Variants in SULF1 observed in about 807,000 individuals in gnomAD.
The protein encoded by SULF1 is sulfatase 1.
SULF1 carries 46 observed loss-of-function variants against 110.5 expected under a neutral mutation model. The observed-to-expected ratio is 0.42, with a 90% CI of 0.33 to 0.53. The LOEUF is 0.53. Among genes scored for constraint, SULF1 ranks in the 20% least tolerant of loss-of-function variants. The pLI is 0.12. For missense variants in SULF1, 941 were observed against 1,094.2 expected (o/e 0.86, Z 1.98); for synonymous variants, 371 against 387.1 (o/e 0.96, Z 0.49).
At chr8:69,596,673 T>C (rs1345325217) in intron 8 of SULF1, among the ~76,000 whole-genome samples, 1 of 152,116 alleles carries the variant, frequency 6.6e-6, no homozygotes, top group Non-Finnish European at 1.5e-5. Flanking sequence ...TGTGGTGTTG[T>C]AGGAGGGGCA....
intron 10 of SULF1, among the ~76,000 whole-genome samples, chr8:69,602,213 G>A (rs982439375): frequency 1.3e-5 from 2 of 151,818 alleles, no homozygotes; most frequent in Non-Finnish European, 2.9e-5. Flanking sequence ...AAATTATTCC[G>A]AAAGAAATGT....
chr8:69,579,759 A>G (rs900028718), intron 6 of SULF1, among the ~76,000 whole-genome samples: 3 of 152,224 alleles, frequency 2.0e-5, no homozygotes, highest in Non-Finnish European at 4.4e-5. Context: ...AAGTGGCAGG[A>G]ATCTTAGAAA....
At chr8:69,605,332 A>G (rs1808153374) in intron 13 of SULF1, among the ~76,000 whole-genome samples, 1 of 152,108 alleles carries the variant, frequency 6.6e-6, no homozygotes. Flanking sequence ...TAGGGCCTTC[A>G]CCCTAGGCTA....
At chr8:69,603,827 T>C (rs955220321) in intron 12 of SULF1, among the ~76,000 whole-genome samples, 171 bp downstream of exon 12, 1 of 152,190 alleles carries the variant, frequency 6.6e-6, no homozygotes, top group Non-Finnish European at 1.5e-5. Context: ...AGAGTAATAA[T>C]TGCTGGATCA....
At chr8:69,480,839 G>A (rs1317445151) in intron 1 of SULF1, among the ~76,000 whole-genome samples, 1 of 146,552 alleles carries the variant, frequency 6.8e-6, no homozygotes, top group African/African-American at 2.5e-5. Context: ...ATTGAACAAT[G>A]AGAACACATG....
At chr8:69,642,302 A>C in intron 22 of SULF1, 5 of 987,306 alleles carry the variant, frequency 5.1e-6, no homozygotes, top group Non-Finnish European at 6.0e-6. Context: ...TTTAGAGAGA[A>C]GGTCATTAGT....
intron 2 of SULF1, among the ~76,000 whole-genome samples, chr8:69,500,936 G>A (rs888265601): frequency 6.6e-6 from 1 of 152,094 alleles, no homozygotes; most frequent in Non-Finnish European, 1.5e-5. Context: ...GATCCATCCA[G>A]AGCAAAGCAA....
chr8:69,488,711 C>A (rs892047493), upstream of SULF1, among the ~76,000 whole-genome samples: 1 of 151,894 alleles, frequency 6.6e-6, no homozygotes. Context: ...ATACACAGCA[C>A]CCAACAGTGG....
intron 22 of SULF1, among the ~76,000 whole-genome samples, chr8:69,653,104 G>A (rs938407985): frequency 5.3e-5 from 8 of 151,984 alleles, no homozygotes; most frequent in South Asian, 4.1e-4. Context: ...TGGGGTTTCC[G>A]TCTGTCACCC....
intron 6 of SULF1, among the ~76,000 whole-genome samples, chr8:69,586,146 T>G (rs543028583): frequency 2.0e-5 from 3 of 152,352 alleles, no homozygotes; most frequent in East Asian, 1.9e-4. Context: ...ATCCATGTAC[T>G]TGGATACTAC....
At chr8:69,475,705 T>C (rs1290104980) in intron 1 of SULF1, among the ~76,000 whole-genome samples, 2 of 152,200 alleles carry the variant, frequency 1.3e-5, no homozygotes, top group East Asian at 1.9e-4. Context: ...CTACACTCAA[T>C]AGAACTTTAT....
At position 69,500,744 on chromosome 8, in the gene SULF1, T is replaced by G. The variant is rs181466485; in HGVS notation, c.-228-1130T>G. ...GAGAAGCACAGTGAAGCGAGTGATC[T>G]AGAGGCCTAATGGGTGAGGTGGGCC... On this transcript the variant is annotated intron_variant, in intron 2 of 22. Coordinates refer to ENST00000402687, the MANE Select transcript of SULF1 (RefSeq NM_001128205.2). Among the ~76,000 whole-genome samples the G allele has an allele frequency of 7.9e-5, 12 of 152,308 alleles. No individual in the cohort carries two copies. In the East Asian group the frequency reaches 2.3e-3, roughly 29 times the overall value.
chr8:69,558,903 T>C (rs1167069952), intron 3 of SULF1, among the ~76,000 whole-genome samples: 4 of 152,194 alleles, frequency 2.6e-5, no homozygotes, highest in Non-Finnish European at 5.9e-5. Flanking sequence ...ATCTATTATA[T>C]GTTAACCTAA....
chr8:69,559,398 C>T (rs1448005928), intron 3 of SULF1, among the ~76,000 whole-genome samples: 2 of 152,192 alleles, frequency 1.3e-5, no homozygotes, highest in East Asian at 3.8e-4. Flanking sequence ...TGACTCATTT[C>T]ATTTTACAAT....
chr8:69,578,156 C>T (rs2150748518), intron 6 of SULF1, among the ~76,000 whole-genome samples: 1 of 152,264 alleles, frequency 6.6e-6, no homozygotes, highest in South Asian at 2.1e-4. Context: ...ATTCAGTTGC[C>T]TCTAAGCATG....
chr8:69,497,785 C>A (rs1468489066), intron 2 of SULF1, among the ~76,000 whole-genome samples: 1 of 152,168 alleles, frequency 6.6e-6, no homozygotes, highest in Non-Finnish European at 1.5e-5. Context: ...TAAGTTCAAT[C>A]ATCTAGTTGC....
chr8:69,552,961 G>T lies in SULF1; in HGVS notation c.-133-10578G>T, dbSNP rs1343796285. On this transcript the variant is annotated intron_variant, in intron 3 of 22. Coordinates refer to ENST00000402687, the MANE Select transcript of SULF1 (RefSeq NM_001128205.2). ...CCCTAAACTAAACAGGTGGCCTAGT[G>T]AGTCCCTTGTTACCTACACAGGGAC... 3.9e-5 allele frequency among the ~76,000 whole-genome samples: 6 copies of T among 152,330 alleles called. No homozygotes were observed. In the East Asian group the frequency reaches 1.2e-3, roughly 29 times the overall value.
chr8:69,525,671 C>A (rs1211772335), intron 3 of SULF1, among the ~76,000 whole-genome samples: 1 of 152,204 alleles, frequency 6.6e-6, no homozygotes, highest in Non-Finnish European at 1.5e-5. Context: ...TGGACTTCAT[C>A]TGAAATGACA....
At chr8:69,506,522 C>T (rs565401634) in intron 3 of SULF1, among the ~76,000 whole-genome samples, 2 of 152,312 alleles carry the variant, frequency 1.3e-5, no homozygotes, top group East Asian at 3.9e-4. Flanking sequence ...AAATGCCAAA[C>T]TCCAATTGGA....
Sources: gnomAD v4.1 joint callset for allele counts (sites outside exome capture counted in the v4.1 genomes callset) on GRCh38, gnomAD v4.1.1 for gene constraint, MANE v1.5 for transcripts, NCBI Gene and HGNC (gene_info 2026-07-23, HGNC 2026-07-21) for gene names.